The following TIAM2 variants were observed in gnomAD, a reference collection of about 807,000 sequenced individuals.
The protein encoded by TIAM2 is rho guanine nucleotide exchange factor TIAM2.
TIAM2 carries 80 observed loss-of-function variants against 152.9 expected under a neutral mutation model. The ratio of observed to expected loss-of-function variants is 0.52; its 90% CI spans 0.44 to 0.63. The LOEUF is 0.63. Among genes scored for constraint, TIAM2 ranks in the 30% least tolerant of loss-of-function variants. TIAM2 has a pLI of 0.00. For missense variants in TIAM2, 1,965 were observed against 2,120.1 expected (o/e 0.93, Z 1.44); for synonymous variants, 804 against 838.0 (o/e 0.96, Z 0.70).
At chr6:155,038,062 T>C (rs13200965) in intron 1 of TIAM2, among the ~76,000 whole-genome samples, 30,450 of 152,166 alleles carry the variant, frequency 0.2, 3,117 homozygotes, top group Middle Eastern at 0.29. Flanking sequence ...TGCTGAGTTG[T>C]TAAATAAGGA....
At chr6:155,043,774 G>A (rs1280263475) in intron 1 of TIAM2, among the ~76,000 whole-genome samples, 2 of 151,644 alleles carry the variant, frequency 1.3e-5, no homozygotes, top group East Asian at 3.9e-4. Flanking sequence ...TCAGTTTTCA[G>A]AAGAATCTGA....
chr6:155,117,588 G>A (rs533370176), intron 2 of TIAM2, among the ~76,000 whole-genome samples: 2 of 152,230 alleles, frequency 1.3e-5, no homozygotes, highest in African/African-American at 2.4e-5. Flanking sequence ...AACTACAGTC[G>A]TGTGCCACCA....
At chr6:155,029,584 CTA>C (rs569157434) in intron 1 of TIAM2, among the ~76,000 whole-genome samples, 1 of 72,280 alleles carries the variant, frequency 1.4e-5, no homozygotes, top group African/African-American at 5.9e-5. Context: ...GTATATATAA[CTA>C]TATAGTATAT....
rs775766292 is a variant in TIAM2, at chr6:155,188,387, AG to A, written c.3064+4888del. ...ATATATGGAGAATCGTTGAGGGTTC[AG>A]TATGAAGTTCCTCTGTTGCCTACAA... On this transcript the variant is annotated intron_variant, in intron 14 of 26. Coordinates refer to ENST00000682666, the MANE Select transcript of TIAM2 (RefSeq NM_012454.4). 2.1e-4 allele frequency among the ~76,000 whole-genome samples: 32 copies of A among 152,364 alleles called. 2 individuals are homozygous for A. Among genetic ancestry groups the A allele is most frequent in the African/African-American group, 3.8e-4 (16 of 41,588 alleles).
chr6:155,071,188 A>C (rs75726499), intron 1 of TIAM2, among the ~76,000 whole-genome samples: 6 of 151,850 alleles, frequency 4.0e-5, no homozygotes, highest in Non-Finnish European at 7.4e-5. Context: ...AAAGAAAAAA[A>C]GACACATATT....
chr6:155,069,067 C>T (rs1333904325), intron 1 of TIAM2, among the ~76,000 whole-genome samples: 5 of 151,998 alleles, frequency 3.3e-5, no homozygotes, highest in African/African-American at 7.2e-5. Flanking sequence ...CACAGGTATG[C>T]ACCACCACAC....
chr6:155,108,600 G>A (rs1778754558), intron 2 of TIAM2, among the ~76,000 whole-genome samples: 1 of 152,196 alleles, frequency 6.6e-6, no homozygotes, highest in Non-Finnish European at 1.5e-5. Context: ...TGCAGAGGGA[G>A]TGACTTTCCA....
intron 5 of TIAM2, among the ~76,000 whole-genome samples, chr6:155,141,398 C>CAT (rs1489399163): frequency 6.6e-6 from 1 of 150,916 alleles, no homozygotes; most frequent in Non-Finnish European, 1.5e-5. Context: ...TATGTGTACA[C>CAT]ACACACACAC....
chr6:155,172,663 T>TAGATATATAG (rs1351278108), intron 9 of TIAM2, among the ~76,000 whole-genome samples: 89 of 7,896 alleles, frequency 0.011, 1 homozygote, highest in African/African-American at 0.036. Context: ...TATATATATA[T>TAGATATATAG]ATATATATAT....
chr6:155,253,099 A>G, intron 24 of TIAM2, 46 bp downstream of exon 24: 1 of 1,482,606 alleles, frequency 6.7e-7, no homozygotes, highest in Non-Finnish European at 9.4e-7. Flanking sequence ...ATTTTAGTAG[A>G]CTTAACTGTG....
At chr6:155,185,679 C>T (rs994716921) in intron 14 of TIAM2, among the ~76,000 whole-genome samples, 15 of 152,084 alleles carry the variant, frequency 9.9e-5, no homozygotes, top group Non-Finnish European at 1.8e-4. Flanking sequence ...GCCAGGCAGG[C>T]ACGGTGCTTG....
chr6:155,164,133 G>GTTTTTTTTTTTT lies in TIAM2; in HGVS notation c.2029-281_2029-270dup, dbSNP rs375238178. Among the ~76,000 whole-genome samples the GTTTTTTTTTTTT allele has an allele frequency of 1.4e-3, 168 of 118,012 alleles. 20 individuals are homozygous for GTTTTTTTTTTTT. The highest frequency in any genetic ancestry group is 1.9e-3 in the South Asian group (6 of 3,158). 77.4% of individuals were successfully genotyped at this position (118,012 alleles called of 152,430 possible). ...TGGCACCACACCAGCTAATTTTTGT[G>GTTTTTTTTTTTT]TTTTTTTTTTTTCTTTTTTTTAGTA... On this transcript the variant is annotated intron_variant, in intron 7 of 26. Transcript: ENST00000682666.
At chr6:155,032,533 CA>C (rs1776844703) in intron 1 of TIAM2, among the ~76,000 whole-genome samples, 1 of 152,014 alleles carries the variant, frequency 6.6e-6, no homozygotes, top group South Asian at 2.1e-4. Context: ...CTTTAGGCTG[CA>C]GGGATTTTTG....
chr6:155,051,020 T>G (rs1777305735), intron 1 of TIAM2, among the ~76,000 whole-genome samples: 1 of 152,162 alleles, frequency 6.6e-6, no homozygotes, highest in Non-Finnish European at 1.5e-5. Flanking sequence ...ATAATTAAAG[T>G]GTTTGACACA....
At chr6:155,104,668 A>C (rs1294222107) in intron 2 of TIAM2, among the ~76,000 whole-genome samples, 3 of 151,890 alleles carry the variant, frequency 2.0e-5, no homozygotes, top group Non-Finnish European at 4.4e-5. Context: ...GAGGCAGGGG[A>C]ATCGCTTGAA....
intron 1 of TIAM2, among the ~76,000 whole-genome samples, chr6:155,006,697 A>G (rs1233894071): frequency 2.7e-5 from 4 of 150,586 alleles, no homozygotes; most frequent in Admixed American, 6.6e-5. Context: ...AAAAAAAAAA[A>G]GAAAAAAAAA....
At chr6:155,113,440 G>T (rs929642469) in intron 2 of TIAM2, among the ~76,000 whole-genome samples, 2 of 151,978 alleles carry the variant, frequency 1.3e-5, no homozygotes, top group African/African-American at 4.8e-5. Context: ...TTATTTTTCG[G>T]CCAGGCGTGG....
chr6:155,248,149 C>T lies in TIAM2; in HGVS notation c.3802C>T (p.Gln1268Ter), dbSNP rs778415791. The T allele has an allele frequency of 1.2e-6, 2 of 1,614,006 alleles. No homozygotes were observed. Among genetic ancestry groups the T allele is most frequent in the Non-Finnish European group, 8.5e-7 (1 of 1,180,012 alleles). Residue 1268 changes from glutamine to a stop codon, truncating the protein, a stop_gained, in exon 20 of 27, where the codon CAG (glutamine) becomes TAG (stop). Coordinates refer to ENST00000682666, the MANE Select transcript of TIAM2 (RefSeq NM_012454.4). LOFTEE classifies it high-confidence loss of function. Reference sequence around the variant, plus strand: ...CAAGGAGCTGGTGTCCCTGACGGACCAGGAGAGCGAGGAGCACTACCACCT... The same window carrying T: ...CAAGGAGCTGGTGTCCCTGACGGACTAGGAGAGCGAGGAGCACTACCACCT... ...LLKELVSLTD[Q>*]ESEEHYHLTE...
chr6:155,037,099 G>A (rs1776937325), intron 1 of TIAM2, among the ~76,000 whole-genome samples: 1 of 152,138 alleles, frequency 6.6e-6, no homozygotes, highest in African/African-American at 2.4e-5. Flanking sequence ...TTGGCAACTT[G>A]TAGTGTCCCA....
Sources: allele counts gnomAD v4.1 joint callset (sites outside exome capture counted in the v4.1 genomes callset), GRCh38; gene constraint gnomAD v4.1.1; transcripts MANE v1.5; gene names NCBI Gene and HGNC (gene_info 2026-07-23, HGNC 2026-07-21).